Variants in SUCO observed in about 807,000 individuals in gnomAD.
SUCO encodes SUN domain-containing ossification factor.
Under a neutral mutation model 148.1 loss-of-function variants are expected in SUCO, and 57 were observed. The observed-to-expected ratio is 0.38, with a 90% CI of 0.31 to 0.48. The LOEUF (loss-of-function observed/expected upper bound fraction) is 0.48, where lower values mean the gene tolerates loss of function less well. Among genes scored for constraint, SUCO ranks in the 20% least tolerant of loss-of-function variants. The pLI is 0.96. For missense variants in SUCO, 1,331 were observed against 1,468.2 expected, an observed-to-expected ratio of 0.91 and a Z score of 1.53; for synonymous variants, 470 against 502.7, an observed-to-expected ratio of 0.93 and a Z score of 0.87.
chr1:172,532,874 C>T (rs1235952735), upstream of SUCO: 2 of 1,494,018 alleles, frequency 1.3e-6, no homozygotes, highest in East Asian at 2.3e-5. Context: ...AGCAAGTGGG[C>T]GGGACCTGGG....
intron 22 of SUCO, chr1:172,608,415 C>G (rs1265197672): frequency 3.4e-6 from 1 of 292,120 alleles, no homozygotes; most frequent in East Asian, 1.0e-4. Flanking sequence ...AGGAATGTTT[C>G]TTTTCTTATC....
Position 172,588,909 on chromosome 1 carries a change from A to T in SUCO, c.1808A>T (p.Asp603Val). 6.2e-7 allele frequency: 1 copy of T among 1,613,222 alleles called. No homozygotes were observed. The highest frequency in any genetic ancestry group is 8.5e-7 in the Non-Finnish European group (1 of 1,179,648). Residue 603 changes from aspartate (D) to valine (V), a missense_variant, in exon 18 of 24, where the codon GAT becomes GTT. Around this residue, in one of 3 missense-constraint regions of SUCO, gnomAD observed 992 missense variants for 1,093.5 expected, o/e 0.91. Transcript: ENST00000263688. The stretch of plus-strand genomic sequence containing the variant: ...CTTCTGGGCAGCGGTGAACAGGAAG[A>T]TGAATCATCACCCTGGTTTGAGTCA... ...VTLLGSGEQE[D>V]ESSPWFESET...
intron 12 of SUCO, 71 bp from the exon 13 acceptor site, chr1:172,577,693 A>G (rs1655552373): frequency 6.3e-7 from 1 of 1,575,198 alleles, no homozygotes; most frequent in African/African-American, 1.4e-5. Context: ...TAATGAAAAA[A>G]CTGAGTATAT....
chr1:172,532,892 G>C, upstream of SUCO: 1 of 1,451,552 alleles, frequency 6.9e-7, no homozygotes, highest in Non-Finnish European at 9.2e-7. Context: ...GGGGCGGGCG[G>C]AGCGGCGAGA....
rs907377638 is a variant in SUCO, at chr1:172,602,898, A to G, written c.3265+111A>G. ...CCATCTGCAACAAAAAATGGATACA[A>G]GTAGCCTTTGTCTTTGTGCTGTGTC... On this transcript the variant is annotated intron_variant, in intron 22 of 23. Transcript: ENST00000263688. 1.6e-5 allele frequency: 14 copies of G among 896,792 alleles called. No homozygotes were observed. In the African/African-American group the frequency reaches 2.2e-4, roughly 14 times the overall value. 55.6% of individuals were successfully genotyped at this position (896,792 alleles called of 1,614,324 possible). A position where few individuals can be genotyped will look rare whatever the true frequency, so the allele number is the denominator to read the frequency against.
At chr1:172,595,966 T>G (rs1179707187) in intron 19 of SUCO, among the ~76,000 whole-genome samples, 1 of 152,204 alleles carries the variant, frequency 6.6e-6, no homozygotes, top group Admixed American at 6.5e-5. Context: ...CTTGGAGTCC[T>G]TGTTCATTTG....
intron 19 of SUCO, among the ~76,000 whole-genome samples, chr1:172,598,281 G>C (rs1657266345): frequency 6.6e-6 from 1 of 152,012 alleles, no homozygotes; most frequent in Non-Finnish European, 1.5e-5. Context: ...TCTGTTTCTG[G>C]GCTTTTGTTC....
chr1:172,562,327 A>ATTTTTTTT (rs34871543), intron 6 of SUCO, among the ~76,000 whole-genome samples: 16 of 137,698 alleles, frequency 1.2e-4, no homozygotes, highest in South Asian at 2.3e-4. Flanking sequence ...GGGTTTTAAC[A>ATTTTTTTT]TTTTTTTTTT....
chr1:172,609,170 C>G, intron 23 of SUCO: 1 of 799,888 alleles, frequency 1.3e-6, no homozygotes, highest in Non-Finnish European at 1.5e-6. Flanking sequence ...ACAGAGCATG[C>G]ACCGTTCCTC....
chr1:172,555,511 C>G (rs1305651001), intron 3 of SUCO, among the ~76,000 whole-genome samples: 1 of 152,142 alleles, frequency 6.6e-6, no homozygotes, highest in Non-Finnish European at 1.5e-5. Flanking sequence ...GGGTCAAGAA[C>G]TATGTATTGT....
chr1:172,573,999 G>A lies in SUCO; in HGVS notation c.1157+1G>A. 1 of 1,524,474 alleles carries A rather than the reference G, an allele frequency of 6.6e-7. No homozygotes were observed. The highest frequency in any genetic ancestry group is 9.1e-7 in the Non-Finnish European group (1 of 1,104,214). The allele number at this position is 1,524,474 out of a possible 1,614,324, so 94.4% of individuals were successfully genotyped here. A position where few individuals can be genotyped will look rare whatever the true frequency, so the allele number is the denominator to read the frequency against. On this transcript the variant is annotated splice_donor_variant, in intron 10 of 23. Coordinates refer to ENST00000263688, the MANE Select transcript of SUCO (RefSeq NM_014283.5). LOFTEE classifies it high-confidence loss of function. ...ATTTTCTGGTTTCTATCAGTGACAG[G>A]TAAATTCTAAAGCTGTTTCTATAGG...
Position 172,578,651 on chromosome 1 carries a change from T to G in SUCO, c.1432+262T>G, listed in dbSNP as rs10158812. On this transcript the variant is annotated intron_variant, in intron 14 of 23. Transcript: ENST00000263688. Reference sequence around the variant, plus strand: ...ATAACATTAATGGTATAAATTATGATTATATCCCTATGCCAGGGCCAAAAA... The same window carrying G: ...ATAACATTAATGGTATAAATTATGAGTATATCCCTATGCCAGGGCCAAAAA... 983 of 658,928 alleles carry G rather than the reference T, an allele frequency of 1.5e-3. 9 individuals are homozygous for G. In the African/African-American group the frequency reaches 0.018, roughly 12 times the overall value. 40.8% of individuals were successfully genotyped at this position (658,928 alleles called of 1,614,324 possible).
intron 1 of SUCO, among the ~76,000 whole-genome samples, chr1:172,540,387 G>A (rs984373511): frequency 2.6e-4 from 40 of 151,598 alleles, no homozygotes; most frequent in Non-Finnish European, 1.2e-4. Context: ...AATTGTTCAT[G>A]AAACTTTTAA....
intron 5 of SUCO, 31 bp downstream of exon 5, chr1:172,557,448 T>C (rs1449351745): frequency 6.2e-6 from 10 of 1,612,972 alleles, no homozygotes; most frequent in East Asian, 4.5e-5. Flanking sequence ...GTCCTTCTTA[T>C]GATTCTGTAA....
In SUCO at chr1:172,575,145, C is replaced by T. The variant is rs567590278; in HGVS notation, c.1158-373C>T. On this transcript the variant is annotated intron_variant, in intron 10 of 23. Transcript: ENST00000263688. ...TTTAAAAGTTTTTTCTTCCCATTCT[C>T]TTTCCACCAGTACTTGTATTTATAC... 2.9e-4 allele frequency among the ~76,000 whole-genome samples: 44 copies of T among 152,126 alleles called. No individual in the cohort carries two copies. In the South Asian group the frequency reaches 2.9e-3, roughly 10 times the overall value.
At position 172,610,043 on chromosome 1, in the gene SUCO, T is replaced by A. The variant is rs1658115629; in HGVS notation, c.3549T>A (p.Ala1183=). 1 of 1,613,954 alleles carries A rather than the reference T, an allele frequency of 6.2e-7. No homozygotes were observed. The change falls in exon 24 of 24, where the codon GCT becomes GCA. Residue 1183 remains alanine (A), a synonymous_variant. Coordinates refer to ENST00000263688, the MANE Select transcript of SUCO (RefSeq NM_014283.5). ...SEESYFCGIS[A]CTSLCNGQSQ... ...AGTCCTATTTTTGTGGCATTTCAGCTTGCACAAGTCTGTGCAATGGACAGT... is the reference window on the plus strand; with the variant it reads ...AGTCCTATTTTTGTGGCATTTCAGCATGCACAAGTCTGTGCAATGGACAGT...
chr1:172,583,566 T>C (rs943473709), intron 15 of SUCO, among the ~76,000 whole-genome samples: 5 of 152,178 alleles, frequency 3.3e-5, no homozygotes, highest in Admixed American at 1.3e-4. Flanking sequence ...ACCTTCCTGA[T>C]GTAGTAGATT....
Position 172,533,258 on chromosome 1 carries a change from C to T in SUCO, c.-178C>T. The T allele has an allele frequency of 6.5e-7, 1 of 1,548,882 alleles. No homozygotes were observed. The highest frequency in any genetic ancestry group is 8.7e-7 in the Non-Finnish European group (1 of 1,146,798). ...CGCCCCTGTCCGCGCCTCTGTGGGGCCCTCAGAGAGGGCTGCCAGGACGCG... is the reference window on the plus strand; with the variant it reads ...CGCCCCTGTCCGCGCCTCTGTGGGGTCCTCAGAGAGGGCTGCCAGGACGCG... On this transcript the variant is annotated 5_prime_UTR_variant, in exon 1 of 24. Transcript: ENST00000263688.
chr1:172,605,741 G>A (rs1657827801), intron 22 of SUCO, among the ~76,000 whole-genome samples: 1 of 151,736 alleles, frequency 6.6e-6, no homozygotes. Flanking sequence ...AGTGAATACA[G>A]GTACGTATAC....
Sources: gnomAD v4.1 joint callset for allele counts (sites outside exome capture counted in the v4.1 genomes callset) on GRCh38, gnomAD v4.1.1 for gene constraint, gnomAD v4.1.1 regional missense constraint, MANE v1.5 for transcripts, NCBI Gene and HGNC (gene_info 2026-07-23, HGNC 2026-07-21) for gene names.